Variants in LINGO2 observed in about 807,000 individuals in gnomAD.
LINGO2 encodes leucine-rich repeat and immunoglobulin-like domain-containing nogo receptor-interacting protein 2.
LINGO2 carries 14 observed loss-of-function variants against 30.6 expected under a neutral mutation model. The observed-to-expected ratio is 0.46, with a 90% CI of 0.30 to 0.72. The LOEUF (loss-of-function observed/expected upper bound fraction) is 0.72. Ranked by LOEUF, LINGO2 falls within the 30% of genes least tolerant of loss-of-function variation. The pLI, the probability that LINGO2 is intolerant of heterozygous loss-of-function variation, is 0.07. For missense variants in LINGO2, 729 were observed against 751.7 expected, an observed-to-expected ratio of 0.97 and a Z score of 0.35; for synonymous variants, 317 against 288.5, an observed-to-expected ratio of 1.10 and a Z score of -1.00.
At chr9:28,071,158 C>A (rs564033167) in intron 4 of LINGO2, among the ~76,000 whole-genome samples, 2 of 152,292 alleles carry the variant, frequency 1.3e-5, no homozygotes, top group East Asian at 3.9e-4. Context: ...TATATTCCTC[C>A]CTTTTTCAGG....
At chr9:28,762,916 T>C in the LINGO2 span, among the ~76,000 whole-genome samples, 14 of 152,126 alleles carry the variant, frequency 9.2e-5, no homozygotes, top group African/African-American at 3.1e-4. Flanking sequence ...AACAGAAATG[T>C]TTTTGAAAAG....
chr9:28,823,150 A>G, the LINGO2 span, among the ~76,000 whole-genome samples: 2 of 152,126 alleles, frequency 1.3e-5, no homozygotes, highest in African/African-American at 4.8e-5. Context: ...TCTATAAAAC[A>G]TGCTTTCTTT....
At chr9:29,093,424 T>A in the LINGO2 span, among the ~76,000 whole-genome samples, 432 of 134,126 alleles carry the variant, frequency 3.2e-3, 65 homozygotes, top group African/African-American at 0.011. Flanking sequence ...ACAAGATATA[T>A]ATAACATTTG....
intron 4 of LINGO2, among the ~76,000 whole-genome samples, chr9:28,266,806 A>T (rs1019287597): frequency 3.3e-5 from 5 of 151,932 alleles, no homozygotes; most frequent in Non-Finnish European, 5.9e-5. Context: ...CATTTCAGCC[A>T]CTCCTGGTCC....
At chr9:28,715,579 G>T in the LINGO2 span, among the ~76,000 whole-genome samples, 3 of 152,012 alleles carry the variant, frequency 2.0e-5, no homozygotes, top group Admixed American at 2.0e-4. Context: ...AGAAGAGGTG[G>T]GTGGGGTTGC....
chr9:28,068,159 C>T (rs986920418), intron 4 of LINGO2, among the ~76,000 whole-genome samples: 1 of 152,064 alleles, frequency 6.6e-6, no homozygotes, highest in Non-Finnish European at 1.5e-5. Context: ...GTAGTGTATG[C>T]ATATACACTG....
the LINGO2 span, among the ~76,000 whole-genome samples, chr9:28,936,567 T>C: frequency 6.6e-6 from 1 of 152,186 alleles, no homozygotes; most frequent in Admixed American, 6.5e-5. Flanking sequence ...CGAACTACAT[T>C]AGAATGACAC....
chr9:29,091,883 T>C, the LINGO2 span, among the ~76,000 whole-genome samples: 36,842 of 151,904 alleles, frequency 0.24, 4,620 homozygotes, highest in East Asian at 0.4. Flanking sequence ...GTTTTAGATT[T>C]TGTCTTCTAT....
intron 4 of LINGO2, among the ~76,000 whole-genome samples, chr9:28,218,478 T>C (rs757054083): frequency 6.6e-5 from 10 of 151,906 alleles, no homozygotes; most frequent in Non-Finnish European, 1.2e-4. Context: ...TGTTCTGAAG[T>C]GGAAAAGTCA....
the LINGO2 span, among the ~76,000 whole-genome samples, chr9:28,809,298 G>C: frequency 6.6e-6 from 1 of 152,308 alleles, no homozygotes; most frequent in South Asian, 2.1e-4. Flanking sequence ...CAGAATCCTT[G>C]GCACCTGCCT....
At chr9:29,067,687 A>G in the LINGO2 span, among the ~76,000 whole-genome samples, 1 of 151,380 alleles carries the variant, frequency 6.6e-6, no homozygotes, top group African/African-American at 2.4e-5. Flanking sequence ...CAAATAATTC[A>G]AGAGAGGCAG....
intron 4 of LINGO2, among the ~76,000 whole-genome samples, chr9:28,187,749 A>G (rs1039404944): frequency 6.6e-6 from 1 of 152,214 alleles, no homozygotes; most frequent in African/African-American, 2.4e-5. Context: ...AGGCAAATGC[A>G]TGCATACTTA....
intron 1 of LINGO2, among the ~76,000 whole-genome samples, chr9:28,496,344 C>T (rs1488308690): frequency 6.6e-6 from 1 of 151,974 alleles, no homozygotes; most frequent in African/African-American, 2.4e-5. Flanking sequence ...CTGGGTGCTC[C>T]CGTATTGGGT....
At chr9:28,218,353 T>C (rs113189767) in intron 4 of LINGO2, among the ~76,000 whole-genome samples, 7 of 151,956 alleles carry the variant, frequency 4.6e-5, no homozygotes, top group African/African-American at 1.7e-4. Context: ...TAGTTAAGTA[T>C]GCACTTACGA....
chr9:27,960,519 C>A (rs1819787553), intron 5 of LINGO2, among the ~76,000 whole-genome samples: 2 of 151,966 alleles, frequency 1.3e-5, no homozygotes, highest in African/African-American at 4.8e-5. Context: ...TTTCCTTAAG[C>A]TGTGATTCAG....
intron 1 of LINGO2, among the ~76,000 whole-genome samples, chr9:28,559,812 A>T (rs1402315567): frequency 6.6e-6 from 1 of 152,012 alleles, no homozygotes; most frequent in African/African-American, 2.4e-5. Context: ...TATCTCCAGG[A>T]TGTTTTTCAT....
intron 3 of LINGO2, among the ~76,000 whole-genome samples, chr9:28,354,221 T>G (rs932469893): frequency 1.3e-5 from 2 of 152,192 alleles, no homozygotes; most frequent in African/African-American, 4.8e-5. Context: ...GTTTTTTAAA[T>G]TTTGGCTTTT....
intron 4 of LINGO2, among the ~76,000 whole-genome samples, chr9:28,095,794 T>G (rs892649923): frequency 6.6e-6 from 1 of 151,708 alleles, no homozygotes; most frequent in Non-Finnish European, 1.5e-5. Flanking sequence ...CGGGAGAAAA[T>G]TTTTGCAACC....
intron 1 of LINGO2, among the ~76,000 whole-genome samples, chr9:28,560,691 G>C (rs372511916): frequency 2.0e-4 from 30 of 151,634 alleles, no homozygotes; most frequent in Non-Finnish European, 4.3e-4. Context: ...TTTTGAGACA[G>C]GGTCTCACTC....
Sources: gnomAD v4.1 joint callset for allele counts (sites outside exome capture counted in the v4.1 genomes callset) on GRCh38, gnomAD v4.1.1 for gene constraint, MANE v1.5 for transcripts, NCBI Gene and HGNC (gene_info 2026-07-23, HGNC 2026-07-21) for gene names.